The following CCNK variants were observed in gnomAD, a reference collection of about 807,000 sequenced individuals.
CCNK encodes cyclin K, also known as cyclin-K.
In CCNK, 9 loss-of-function variants were observed where a neutral mutation model predicts 65.0. That is an observed-to-expected ratio of 0.14 (90% CI 0.08 to 0.24). CCNK has a LOEUF of 0.24. CCNK is among the 10% of genes least tolerant of loss of function. The pLI, the probability that CCNK is intolerant of heterozygous loss-of-function variation, is 1.00. For missense variants in CCNK, 474 were observed against 720.0 expected, an observed-to-expected ratio of 0.66 and a Z score of 3.91; for synonymous variants, 279 against 270.8, an observed-to-expected ratio of 1.03 and a Z score of -0.30.
intron 8 of CCNK, 97 bp downstream of exon 8, chr14:99,503,081 C>A (rs189193359): frequency 1.5e-6 from 2 of 1,364,510 alleles, no homozygotes; most frequent in African/African-American, 1.4e-5. Context: ...CAGGGAACAC[C>A]GGAAGCAGGG....
At position 99,510,685 on chromosome 14, in the gene CCNK, C is replaced by T; in HGVS notation, c.1646C>T (p.Ala549Val). Residue 549 changes from alanine to valine, a missense_variant, in exon 11 of 11, where the codon GCC (alanine) becomes GTC (valine). This residue lies in a region of CCNK where 53 missense variants were observed against 91.4 expected (regional missense o/e 0.58). Coordinates refer to ENST00000389879, the MANE Select transcript of CCNK (RefSeq NM_001099402.2). Reference protein sequence around the residue: ...GLPPASYPPPAVPPGGQPPVP... With the variant: ...GLPPASYPPPVVPPGGQPPVP... ...CCGCCAGCCAGCTACCCACCTCCTG[C>T]CGTCCCCCCTGGAGGACAGCCTCCT... The T allele has an allele frequency of 7.1e-7, 1 of 1,406,666 alleles. No homozygotes were observed. Among genetic ancestry groups the T allele is most frequent in the Non-Finnish European group, 9.3e-7 (1 of 1,079,458 alleles). The allele number at this position is 1,406,666 out of a possible 1,614,324, so 87.1% of individuals were successfully genotyped here.
chr14:99,487,771 G>A (rs535527267), intron 1 of CCNK, among the ~76,000 whole-genome samples: 1 of 152,276 alleles, frequency 6.6e-6, no homozygotes, highest in South Asian at 2.1e-4. Context: ...ACACAGGTGT[G>A]TTTACTTTGT....
chr14:99,484,253 C>T (rs1896428129), intron 1 of CCNK, among the ~76,000 whole-genome samples: 1 of 152,222 alleles, frequency 6.6e-6, no homozygotes, highest in Non-Finnish European at 1.5e-5. Flanking sequence ...GTGTCTCTGG[C>T]TCCATTTTCT....
intron 1 of CCNK, among the ~76,000 whole-genome samples, chr14:99,486,945 A>G (rs1251405689): frequency 6.6e-6 from 1 of 152,200 alleles, no homozygotes; most frequent in Non-Finnish European, 1.5e-5. Flanking sequence ...CTCTCCCACT[A>G]GAATGTAAGC....
chr14:99,490,943 AAAG>A (rs888800464), intron 1 of CCNK, among the ~76,000 whole-genome samples: 9 of 152,016 alleles, frequency 5.9e-5, no homozygotes, highest in Admixed American at 4.6e-4. Context: ...AAAAAAAAAA[AAAG>A]AGATGTCTGT....
Position 99,501,371 on chromosome 14 carries a change from T to C in CCNK, c.533T>C (p.Ile178Thr). 1 of 1,606,224 alleles carries C rather than the reference T, an allele frequency of 6.2e-7. No homozygotes were observed. Among genetic ancestry groups the C allele is most frequent in the Non-Finnish European group, 8.5e-7 (1 of 1,174,556 alleles). Residue 178 changes from isoleucine to threonine, a missense_variant, in exon 6 of 11, where the codon ATT becomes ACT. Around this residue, in one of 6 missense-constraint regions of CCNK, gnomAD observed 67 missense variants for 150.2 expected, o/e 0.45. Transcript: ENST00000389879. ...AKQLKGDKNKIQKLVQMAWTF... is the reference protein window; with the variant it reads ...AKQLKGDKNKTQKLVQMAWTF... ...CCATTTCTAGGTGATAAAAACAAAA[T>C]TCAAAAGTTGGTTCAAATGGCATGG...
intron 1 of CCNK, among the ~76,000 whole-genome samples, chr14:99,487,026 C>T (rs1175952499): frequency 1.4e-4 from 21 of 152,114 alleles, no homozygotes; most frequent in Non-Finnish European, 2.1e-4. Context: ...AGTAAATGCT[C>T]AGGAAATATT....
rs4905841 is a variant in CCNK, at chr14:99,511,059, C to A, written c.*277C>A. ...GAGTCCTGCACTGGGTTACTTTATACTAGTGAGGACGTTAACCAGCCATAT... is the reference window on the plus strand; with the variant it reads ...GAGTCCTGCACTGGGTTACTTTATAATAGTGAGGACGTTAACCAGCCATAT... On this transcript the variant is annotated 3_prime_UTR_variant, in exon 11 of 11. Transcript: ENST00000389879. 1 of 294,996 alleles carries A rather than the reference C, an allele frequency of 3.4e-6. No individual in the cohort carries two copies. The allele number at this position is 294,996 out of a possible 1,614,324, so 18.3% of individuals were successfully genotyped here. A position where few individuals can be genotyped will look rare whatever the true frequency, so the allele number is the denominator to read the frequency against.
chr14:99,501,004 C>T, intron 5 of CCNK, 133 bp downstream of exon 5: 1 of 654,480 alleles, frequency 1.5e-6, no homozygotes, highest in South Asian at 1.8e-5. Context: ...ATGGCTTGCT[C>T]AGTCAATTCA....
chr14:99,502,158 ATAAATAT>A, intron 6 of CCNK, 42 bp from the exon 7 acceptor site: 1 of 1,519,276 alleles, frequency 6.6e-7, no homozygotes, highest in Non-Finnish European at 8.8e-7. Flanking sequence ...TGGTTTAATC[ATAAATAT>A]TAGATCATAT....
chr14:99,487,923 A>G (rs1409227564), intron 1 of CCNK, among the ~76,000 whole-genome samples: 2 of 152,230 alleles, frequency 1.3e-5, no homozygotes, highest in African/African-American at 4.8e-5. Context: ...GATGAAGATA[A>G]GGAGTCCTCC....
chr14:99,492,837 G>A lies in CCNK; in HGVS notation c.160G>A (p.Ala54Thr), dbSNP rs749729510. Residue 54 changes from alanine to threonine, a missense_variant, in exon 2 of 11, where the codon GCT (alanine) becomes ACT (threonine). Ala to Thr is a moderately conservative substitution (Grantham distance 58). Transcript: ENST00000389879. ...CGAGGCCCGGTACCGCCGAGAGGGC[G>A]CTCGGTTCATCTTTGATGTGGGCAC... is the stretch of plus-strand genomic sequence containing the variant. ...ATEARYRREG[A>T]RFIFDVGTRL... 5 of 1,607,158 alleles carry A rather than the reference G, an allele frequency of 3.1e-6. No individual in the cohort carries two copies. Among genetic ancestry groups the A allele is most frequent in the South Asian group, 1.1e-5 (1 of 89,902 alleles).
Position 99,510,310 on chromosome 14 carries a change from C to A in CCNK, c.1271C>A (p.Pro424His). ...PPLPHRPPPP[P>H]PSSYMTGMST... ...CTGCCACACCGGCCCCCGCCCCCAC[C>A]CCCCTCCAGCTACATGACCGGGATG... is the stretch of plus-strand genomic sequence containing the variant. Residue 424 changes from proline (P) to histidine (H), a missense_variant, in exon 11 of 11, where the codon CCC becomes CAC. Pro to His is a moderately conservative substitution (Grantham distance 77). Transcript: ENST00000389879. The A allele has an allele frequency of 6.4e-7, 1 of 1,559,786 alleles. No homozygotes were observed. The highest frequency in any genetic ancestry group is 8.8e-7 in the Non-Finnish European group (1 of 1,141,166).
chr14:99,503,326 G>A (rs1057250167), intron 8 of CCNK: 63 of 601,378 alleles, frequency 1.0e-4, no homozygotes, highest in South Asian at 7.4e-4. Flanking sequence ...ACAGTGGACC[G>A]TTTCCTGCAC....
At chr14:99,487,129 T>C (rs1396644689) in intron 1 of CCNK, among the ~76,000 whole-genome samples, 1 of 152,226 alleles carries the variant, frequency 6.6e-6, no homozygotes, top group Non-Finnish European at 1.5e-5. Context: ...TGCTAAGATA[T>C]TGATTCCCTC....
chr14:99,510,042 G>T (rs1460205694), intron 10 of CCNK, 115 bp from the exon 11 acceptor site: 5 of 1,031,676 alleles, frequency 4.8e-6, no homozygotes, highest in Non-Finnish European at 6.9e-6. Flanking sequence ...GGCCACAGAG[G>T]AGGCGGGCAG....
intron 1 of CCNK, among the ~76,000 whole-genome samples, chr14:99,487,522 G>C (rs1053616781): frequency 2.0e-5 from 3 of 152,242 alleles, no homozygotes; most frequent in Non-Finnish European, 4.4e-5. Flanking sequence ...GCGGCAGTGA[G>C]AATGAACAAA....
At chr14:99,498,582 T>C (rs1220202116) in intron 4 of CCNK, among the ~76,000 whole-genome samples, 3 of 152,328 alleles carry the variant, frequency 2.0e-5, no homozygotes, top group Non-Finnish European at 2.9e-5. Flanking sequence ...CTCTGTAATA[T>C]TCGTTTCAGC....
At chr14:99,493,678 T>C in intron 3 of CCNK, 83 bp downstream of exon 3, 1 of 887,370 alleles carries the variant, frequency 1.1e-6, no homozygotes, top group Non-Finnish European at 1.8e-6. Context: ...AAGCTCTATT[T>C]TTCTCATATT....
Sources: gnomAD v4.1 joint callset for allele counts (sites outside exome capture counted in the v4.1 genomes callset) on GRCh38, gnomAD v4.1.1 for gene constraint, gnomAD v4.1.1 regional missense constraint, MANE v1.5 for transcripts, NCBI Gene and HGNC (gene_info 2026-07-23, HGNC 2026-07-21) for gene names.